OPA1: variants seen among roughly 807,000 people sequenced by gnomAD.
The protein encoded by OPA1 is OPA1 mitochondrial dynamin like GTPase, also known as dynamin-like GTPase OPA1, mitochondrial.
OPA1 carries 59 observed loss-of-function variants against 152.9 expected under a neutral mutation model. That is an observed-to-expected ratio of 0.39 (90% confidence interval 0.31 to 0.48). The LOEUF is 0.48. Ranked by LOEUF, OPA1 falls within the 20% of genes least tolerant of loss-of-function variation. The pLI is 0.96. For missense variants in OPA1, 1,008 were observed against 1,216.8 expected, an observed-to-expected ratio of 0.83 and a Z score of 2.55; for synonymous variants, 400 against 389.9, an observed-to-expected ratio of 1.03 and a Z score of -0.31.
At chr3:193,601,101 G>C (rs1484281532) in intron 1 of OPA1, among the ~76,000 whole-genome samples, 2 of 152,042 alleles carry the variant, frequency 1.3e-5, no homozygotes, top group African/African-American at 4.8e-5. Flanking sequence ...TCTGAGAGTA[G>C]CTTCTACCCA....
chr3:193,610,720 C>G (rs1317805633), intron 1 of OPA1, among the ~76,000 whole-genome samples: 2 of 152,246 alleles, frequency 1.3e-5, no homozygotes, highest in African/African-American at 2.4e-5. Flanking sequence ...TTTACCTGCT[C>G]AAGCCTCCGC....
intron 1 of OPA1, among the ~76,000 whole-genome samples, chr3:193,614,382 G>T (rs1365456424): frequency 6.6e-6 from 1 of 152,178 alleles, no homozygotes; most frequent in East Asian, 1.9e-4. Context: ...CCACATATTA[G>T]AGTGGAGTCC....
intron 8 of OPA1, 180 bp downstream of exon 8, chr3:193,631,845 A>G (rs931564648): frequency 1.6e-6 from 1 of 634,620 alleles, no homozygotes; most frequent in Non-Finnish European, 2.8e-6. Context: ...ACAGAACTAG[A>G]TAAGTATGGA....
At chr3:193,632,475 C>T (rs2108985082) in intron 8 of OPA1, among the ~76,000 whole-genome samples, 1 of 152,106 alleles carries the variant, frequency 6.6e-6, no homozygotes, top group Admixed American at 6.5e-5. Flanking sequence ...AGCAAGACTC[C>T]ATCTCAAAAA....
Position 193,659,554 on chromosome 3 carries a change from A to G in OPA1, c.2513A>G (p.Gln838Arg), listed in dbSNP as rs118203755. The change falls in exon 25 of 31, where the codon CAA (glutamine) becomes CGA (arginine). Residue 838 changes from glutamine (Q) to arginine (R), a missense_variant. Physicochemically the swap from Gln to Arg is conservative, Grantham distance 43. This residue lies in a region of OPA1 where 229 missense variants were observed against 269.0 expected (regional missense o/e 0.85). Transcript: ENST00000361510. ...TGGTTATACTGGAAGAATCGGACCC[A>G]AGAACAGGTAGAAATAAACAAGTCT... The part of the protein sequence containing the change: ...KRWLYWKNRT[Q>R]EQCVHNETKN... 6.2e-7 allele frequency: 1 copy of G among 1,610,310 alleles called. No individual in the cohort carries two copies. Among genetic ancestry groups the G allele is most frequent in the Non-Finnish European group, 8.5e-7 (1 of 1,177,574 alleles).
rs1274025485 is a variant in OPA1 at position 193,647,069 on chromosome 3, A to G, written c.1759A>G (p.Ser587Gly). 1 of 1,605,278 alleles carries G rather than the reference A, an allele frequency of 6.2e-7. No homozygotes were observed. Among genetic ancestry groups the G allele is most frequent in the Non-Finnish European group, 8.5e-7 (1 of 1,173,790 alleles). The change falls in exon 19 of 31, where the codon AGC becomes GGC. Residue 587 changes from serine (S) to glycine (G), a missense_variant. Around this residue, in one of 7 missense-constraint regions of OPA1, gnomAD observed 213 missense variants for 291.4 expected, o/e 0.73. Coordinates refer to ENST00000361510, the MANE Select transcript of OPA1 (RefSeq NM_130837.3). ...FFQNSKLLKT[S>G]MLKAHQVTTR... ...CTTGTTATTTTTTTTTAATAGGACA[A>G]GCATGCTAAAGGCACACCAAGTGAC...
intron 29 of OPA1, chr3:193,689,315 C>A (rs1040344437): frequency 6.6e-6 from 1 of 152,172 alleles, no homozygotes; most frequent in Non-Finnish European, 1.5e-5. Context: ...GTCTCCCCTC[C>A]GTTCACACCT....
chr3:193,662,943 T>C lies in OPA1; in HGVS notation c.2642T>C (p.Val881Ala). The C allele has an allele frequency of 6.2e-7, 1 of 1,613,284 alleles. No homozygotes were observed. Among genetic ancestry groups the C allele is most frequent in the Non-Finnish European group, 8.5e-7 (1 of 1,179,538 alleles). Residue 881 changes from valine (V) to alanine (A), a missense_variant, in exon 26 of 31, where the codon GTA (valine) becomes GCA (alanine). Transcript: ENST00000361510. The stretch of plus-strand genomic sequence containing the variant: ...CGGAAGAACCTTGAATCCCGAGGAG[T>C]AGAAGTAGATCCAAGCTTGGTAATA... ...TVRKNLESRG[V>A]EVDPSLIKDT...
At chr3:193,673,977 C>T (rs1718464612) in intron 29 of OPA1, among the ~76,000 whole-genome samples, 1 of 152,212 alleles carries the variant, frequency 6.6e-6, no homozygotes, top group South Asian at 2.1e-4. Context: ...TGCTGACTCC[C>T]TACGCGAGGT....
At chr3:193,682,312 T>C (rs956365389) in intron 29 of OPA1, among the ~76,000 whole-genome samples, 1 of 152,198 alleles carries the variant, frequency 6.6e-6, no homozygotes, top group African/African-American at 2.4e-5. Flanking sequence ...CAAAGTTTGG[T>C]TCATAAGGTT....
chr3:193,665,119 T>C (rs951305867), intron 27 of OPA1, 123 bp downstream of exon 27: 2 of 653,922 alleles, frequency 3.1e-6, no homozygotes, highest in African/African-American at 3.7e-5. Flanking sequence ...AAAAAGTATG[T>C]GTAATTTATA....
rs1326231717 is a variant in OPA1 at position 193,695,482 on chromosome 3, C to A, written c.*882C>A. On this transcript the variant is annotated 3_prime_UTR_variant, in exon 31 of 31. Coordinates refer to ENST00000361510, the MANE Select transcript of OPA1 (RefSeq NM_130837.3). ...ATTTCAACTAGGTATCAGAAAAAGGCTTTCTTTCATAAGACTATTTTAAAT... is the reference window on the plus strand; with the variant it reads ...ATTTCAACTAGGTATCAGAAAAAGGATTTCTTTCATAAGACTATTTTAAAT... 6.6e-6 allele frequency: 1 copy of A among 152,112 alleles called. No homozygotes were observed. Among genetic ancestry groups the A allele is most frequent in the African/African-American group, 2.4e-5 (1 of 41,432 alleles). 9.4% of individuals were successfully genotyped at this position (152,112 alleles called of 1,614,324 possible). A position where few individuals can be genotyped will look rare whatever the true frequency, so the allele number is the denominator to read the frequency against.
intron 25 of OPA1, among the ~76,000 whole-genome samples, chr3:193,661,534 A>G (rs1715266591): frequency 6.6e-6 from 1 of 152,230 alleles, no homozygotes; most frequent in African/African-American, 2.4e-5. Context: ...TCACATCGTA[A>G]GTTCACTTAG....
chr3:193,619,130 A>C (rs1177244812), intron 6 of OPA1, among the ~76,000 whole-genome samples, 194 bp downstream of exon 6: 1 of 152,208 alleles, frequency 6.6e-6, no homozygotes, highest in Non-Finnish European at 1.5e-5. Context: ...TGAGAAGCCC[A>C]TTTCTTTCAC....
chr3:193,686,001 A>G (rs1398881706), intron 29 of OPA1, among the ~76,000 whole-genome samples: 1 of 152,188 alleles, frequency 6.6e-6, no homozygotes, highest in Admixed American at 6.5e-5. Context: ...ATCATATCAA[A>G]TAATTGCCCC....
Position 193,692,162 on chromosome 3 carries a change from GCTGA to G in OPA1, c.*5+33_*5+36del, listed in dbSNP as rs1157477375. The G allele has an allele frequency of 2.7e-6, 3 of 1,123,648 alleles. No homozygotes were observed. The East Asian group carries it at 7.6e-5, about 28-fold the overall frequency. 69.6% of individuals were successfully genotyped at this position (1,123,648 alleles called of 1,614,324 possible). ...GTAAAAATTCTCTAACTGTATTGGTGCTGACTAAATACAAAATTACACTTTTCTT... is the reference window on the plus strand; with the variant it reads ...GTAAAAATTCTCTAACTGTATTGGTGCTAAATACAAAATTACACTTTTCTT... On this transcript the variant is annotated intron_variant, in intron 30 of 30. Transcript: ENST00000361510.
chr3:193,670,803 C>G (rs1459150916), intron 29 of OPA1, among the ~76,000 whole-genome samples: 1 of 152,118 alleles, frequency 6.6e-6, no homozygotes, highest in Non-Finnish European at 1.5e-5. Context: ...GAAAAAGGAG[C>G]TCACATGATT....
At chr3:193,656,080 G>A (rs985413362) in intron 22 of OPA1, among the ~76,000 whole-genome samples, 5 of 152,066 alleles carry the variant, frequency 3.3e-5, no homozygotes, top group Non-Finnish European at 7.4e-5. Flanking sequence ...ATTTACCCCT[G>A]AAGAAGTTAG....
intron 1 of OPA1, among the ~76,000 whole-genome samples, chr3:193,604,020 G>A (rs1280710678): frequency 1.3e-5 from 2 of 152,328 alleles, no homozygotes; most frequent in East Asian, 3.9e-4. Flanking sequence ...ACTGAAAAAT[G>A]CTGGGTTTGA....
Sources: allele counts gnomAD v4.1 joint callset (sites outside exome capture counted in the v4.1 genomes callset), GRCh38; gene constraint gnomAD v4.1.1; regional missense constraint gnomAD v4.1.1; transcripts MANE v1.5; gene names NCBI Gene and HGNC (gene_info 2026-07-23, HGNC 2026-07-21).